Variants in PPP6R1 observed in about 807,000 individuals in gnomAD.
PPP6R1 encodes the protein serine/threonine-protein phosphatase 6 regulatory subunit 1.
A neutral mutation model predicts 104.6 loss-of-function variants in PPP6R1; 39 were observed. The ratio of observed to expected loss-of-function variants is 0.37; its 90% confidence interval spans 0.29 to 0.49. The LOEUF is 0.49. Ranked by LOEUF, PPP6R1 falls within the 20% of genes least tolerant of loss-of-function variation. The probability of loss-of-function intolerance (pLI) is 0.98; values close to 1 mark genes in which losing one functional copy is unlikely to be tolerated. For missense variants in PPP6R1, 1,181 were observed against 1,155.8 expected (o/e 1.02, Z -0.32); for synonymous variants, 549 against 479.0 (o/e 1.15, Z -1.91).
At chr19:55,228,752 T>A (rs763757718), downstream of PPP6R1, 2 of 1,612,920 alleles carry the variant, frequency 1.2e-6, no homozygotes, top group South Asian at 2.2e-5. Context: ...GCTGGCCTGA[T>A]AGCCCCAGAG....
intron 2 of PPP6R1, among the ~76,000 whole-genome samples, chr19:55,246,172 G>C (rs1433486711): frequency 6.6e-6 from 1 of 152,236 alleles, no homozygotes; most frequent in Non-Finnish European, 1.5e-5. Context: ...CTCCAGGACT[G>C]TGGGGAGGTA....
chr19:55,258,014 G>A (rs2087607195), intron 1 of PPP6R1, among the ~76,000 whole-genome samples: 1 of 152,248 alleles, frequency 6.6e-6, no homozygotes, highest in South Asian at 2.1e-4. Flanking sequence ...GCTGCGCCAC[G>A]GAAGAGGTGG....
chr19:55,247,391 T>C, intron 1 of PPP6R1: 1 of 463,738 alleles, frequency 2.2e-6, no homozygotes, highest in South Asian at 2.2e-5. Flanking sequence ...TCGCCTGAGG[T>C]CCAGGGGGTC....
intron 17 of PPP6R1, among the ~76,000 whole-genome samples, chr19:55,235,679 C>T (rs1042029005): frequency 4.3e-4 from 65 of 151,908 alleles, no homozygotes; most frequent in Admixed American, 9.8e-4. Context: ...CCACCACGCC[C>T]GGCAAATTTT....
intron 14 of PPP6R1, 24 bp from the exon 15 acceptor site, chr19:55,239,526 C>A: frequency 6.2e-7 from 1 of 1,612,832 alleles, no homozygotes; most frequent in Non-Finnish European, 8.5e-7. Context: ...GAGGTTAGGG[C>A]TGGAGGGAGT....
At chr19:55,240,431 G>C in intron 10 of PPP6R1, 131 bp from the exon 11 acceptor site, 1 of 919,044 alleles carries the variant, frequency 1.1e-6, no homozygotes, top group Non-Finnish European at 1.7e-6. Flanking sequence ...ACGGGGATGG[G>C]AAGGAGGGAT....
At chr19:55,249,284 C>T (rs893368164) in intron 1 of PPP6R1, among the ~76,000 whole-genome samples, 1 of 152,150 alleles carries the variant, frequency 6.6e-6, no homozygotes, top group Admixed American at 6.5e-5. Flanking sequence ...CTCTGTTGCC[C>T]AGGCTGGAAT....
rs767888277 is a variant in PPP6R1 at position 55,230,700 on chromosome 19, G to T, written c.2571-16C>A. ...GGCCTGGGCACTGTCAGGGGAGAGA[G>T]GGGATGTGCAGAGGTCACTTCCTGC... On this transcript the variant is annotated splice_polypyrimidine_tract_variant and intron_variant, in intron 22 of 23. Coordinates refer to ENST00000412770, the MANE Select transcript of PPP6R1 (RefSeq NM_014931.4). 9 of 1,567,278 alleles carry T rather than the reference G, an allele frequency of 5.7e-6. 1 individual carries two copies. The highest frequency in any genetic ancestry group is 6.9e-6 in the Non-Finnish European group (8 of 1,158,116).
At chr19:55,252,122 C>T (rs1228422495) in intron 1 of PPP6R1, among the ~76,000 whole-genome samples, 5 of 151,972 alleles carry the variant, frequency 3.3e-5, no homozygotes, top group South Asian at 2.1e-4. Context: ...GGGGATTGGG[C>T]GAAGTTCCTG....
chr19:55,242,682 C>T (rs888677194), intron 5 of PPP6R1, 194 bp from the exon 6 acceptor site: 12 of 584,324 alleles, frequency 2.1e-5, no homozygotes, highest in Non-Finnish European at 3.1e-5. Flanking sequence ...ACAGGAAGCC[C>T]GGAAGGCTCC....
Position 55,231,463 on chromosome 19 carries a change from C to T in PPP6R1, c.2406G>A (p.Gly802=), listed in dbSNP as rs199742785. Residue 802 remains glycine (G), a synonymous_variant, in exon 21 of 24, where the codon GGG becomes GGA. Transcript: ENST00000412770. ...TCCCGTGGAAGGTGGCCTGAAGGTC[C>T]CCGATGCTAACCAAGGCCTGGCAAG... The part of the protein sequence containing the change: ...SAPCQALVSI[G]DLQATFHGIR... The T allele has an allele frequency of 6.8e-6, 11 of 1,608,452 alleles. No individual in the cohort carries two copies. Among genetic ancestry groups the T allele is most frequent in the African/African-American group, 1.3e-5 (1 of 74,916 alleles).
In PPP6R1 at chr19:55,241,089, G is replaced by A. The variant is rs1306773599; in HGVS notation, c.1162-10C>T. The A allele has an allele frequency of 9.7e-6, 15 of 1,549,510 alleles. No individual in the cohort carries two copies. The highest frequency in any genetic ancestry group is 2.4e-5 in the East Asian group (1 of 40,898). On this transcript the variant is annotated splice_polypyrimidine_tract_variant and intron_variant, in intron 9 of 23. Transcript: ENST00000412770. The surrounding 1 kb of genome is among the most constrained non-coding windows in gnomAD (Gnocchi z 5.4). ...AATGGAAGAAGAGGTCCTATGGGAG[G>A]ACACAGGATTGGTACCAGAGAGGCC...
intron 1 of PPP6R1, among the ~76,000 whole-genome samples, chr19:55,251,375 C>T (rs1040642263): frequency 3.3e-5 from 5 of 152,148 alleles, no homozygotes; most frequent in East Asian, 1.9e-4. Flanking sequence ...TTCACAAGGC[C>T]CCAGCTCCTC....
At chr19:55,242,094 G>A in intron 7 of PPP6R1, 72 bp downstream of exon 7, 1 of 1,431,700 alleles carries the variant, frequency 7.0e-7, no homozygotes, top group South Asian at 1.2e-5. Context: ...TGGACACCGA[G>A]ACCCGCCTCT....
Position 55,235,255 on chromosome 19 carries a change from G to A in PPP6R1, c.1988+1388C>T, listed in dbSNP as rs140091187. The stretch of plus-strand genomic sequence containing the variant: ...ACATTTGCACTAAAATGTCATCACA[G>A]CCTGATTGGAGAGGGACGTCATCAT... On this transcript the variant is annotated intron_variant, in intron 17 of 23. Transcript: ENST00000412770. Among the ~76,000 whole-genome samples, 310 of 151,816 alleles carry A rather than the reference G, an allele frequency of 2.0e-3. 3 individuals are homozygous for A. Among genetic ancestry groups the A allele is most frequent in the African/African-American group, 7.1e-3 (294 of 41,398 alleles).
Position 55,230,699 on chromosome 19 carries a change from AG to A in PPP6R1, c.2571-16del. 1.3e-6 allele frequency: 2 copies of A among 1,568,724 alleles called. No individual in the cohort carries two copies. Among genetic ancestry groups the A allele is most frequent in the Non-Finnish European group, 8.6e-7 (1 of 1,158,824 alleles). On this transcript the variant is annotated splice_polypyrimidine_tract_variant and intron_variant, in intron 22 of 23. Transcript: ENST00000412770. Reference sequence around the variant, plus strand: ...GGGCCTGGGCACTGTCAGGGGAGAGAGGGGATGTGCAGAGGTCACTTCCTGC... The same window carrying A: ...GGGCCTGGGCACTGTCAGGGGAGAGAGGGATGTGCAGAGGTCACTTCCTGC...
chr19:55,245,394 G>A lies in PPP6R1; in HGVS notation c.423C>T (p.Ser141=). 6.2e-7 allele frequency: 1 copy of A among 1,613,558 alleles called. No homozygotes were observed. Among genetic ancestry groups the A allele is most frequent in the East Asian group, 2.2e-5 (1 of 44,870 alleles). The change falls in exon 4 of 24, where the codon TCC becomes TCT. Residue 141 remains serine, a synonymous_variant. Coordinates refer to ENST00000412770, the MANE Select transcript of PPP6R1 (RefSeq NM_014931.4). This position sits in a 1 kb window ranked among gnomAD's most constrained non-coding sequence, Gnocchi z 6.4. The part of the protein sequence containing the change: ...LINRKTDQLV[S]FLRKKDDFVD... ...CGAAGTCATCCTTCTTCCGAAGAAA[G>A]GACACGAGCTGGGGGCACACGGGCT...
In PPP6R1 at chr19:55,258,614, G is replaced by C. The variant is rs1437005885; in HGVS notation, c.-186C>G. 1 of 150,844 alleles carries C rather than the reference G, an allele frequency of 6.6e-6. No homozygotes were observed. The highest frequency in any genetic ancestry group is 2.4e-5 in the African/African-American group (1 of 41,108). 9.3% of individuals were successfully genotyped at this position (150,844 alleles called of 1,614,324 possible). On this transcript the variant is annotated 5_prime_UTR_variant, in exon 1 of 24. Coordinates refer to ENST00000412770, the MANE Select transcript of PPP6R1 (RefSeq NM_014931.4). The stretch of plus-strand genomic sequence containing the variant: ...CGCGCAGGCGCCCGCGGGTCGTGGG[G>C]TCCTCGCGCGCCGGGTCCTGCAGAG...
chr19:55,237,293 G>A (rs2087408735), intron 15 of PPP6R1, among the ~76,000 whole-genome samples: 1 of 152,174 alleles, frequency 6.6e-6, no homozygotes, highest in Non-Finnish European at 1.5e-5. Flanking sequence ...GTGCCAGAGA[G>A]GGATTCAGAT....
Sources: gnomAD v4.1 joint callset for allele counts (sites outside exome capture counted in the v4.1 genomes callset) on GRCh38, gnomAD v4.1.1 for gene constraint, Gnocchi (gnomAD v3.1) non-coding constraint, MANE v1.5 for transcripts, NCBI Gene and HGNC (gene_info 2026-07-23, HGNC 2026-07-21) for gene names.